The following PRKD2 variants were observed in gnomAD, a reference collection of about 807,000 sequenced individuals.
PRKD2 encodes the protein serine/threonine-protein kinase D2.
Under a neutral mutation model 86.0 loss-of-function variants are expected in PRKD2, and 22 were observed. The ratio of observed to expected loss-of-function variants is 0.26; its 90% CI spans 0.18 to 0.37. PRKD2 has a LOEUF of 0.37. Among genes scored for constraint, PRKD2 ranks in the 10% least tolerant of loss-of-function variants. The pLI, the probability that PRKD2 is intolerant of heterozygous loss-of-function variation, is 1.00. For synonymous variants in PRKD2, 509 were observed against 510.9 expected, an observed-to-expected ratio of 1.00 and a Z score of 0.05; for missense variants, 818 against 1,199.2, an observed-to-expected ratio of 0.68 and a Z score of 4.70.
intron 3 of PRKD2, among the ~76,000 whole-genome samples, chr19:46,706,323 G>T (rs1453810407): frequency 6.6e-6 from 1 of 152,102 alleles, no homozygotes; most frequent in East Asian, 1.9e-4. Context: ...CCAGCCTTTG[G>T]GAGCCCTTCT....
chr19:46,712,400 G>T (rs60363656), intron 2 of PRKD2, among the ~76,000 whole-genome samples: 5,558 of 151,674 alleles, frequency 0.037, 294 homozygotes, highest in African/African-American at 0.13. Context: ...AATTAGCCAC[G>T]TGTGGTAGCA....
intron 17 of PRKD2, 25 bp downstream of exon 17, chr19:46,675,008 G>T (rs1258773266): frequency 2.5e-6 from 4 of 1,580,146 alleles, no homozygotes; most frequent in Non-Finnish European, 3.5e-6. Flanking sequence ...TCCAGCCAAT[G>T]GGCCAGCCCT....
At chr19:46,680,851 G>A (rs1250024448) in intron 15 of PRKD2, among the ~76,000 whole-genome samples, 1 of 147,654 alleles carries the variant, frequency 6.8e-6, no homozygotes, top group Non-Finnish European at 1.5e-5. Flanking sequence ...TTATAGGCAT[G>A]AGCCACCTCC....
At chr19:46,710,652 T>A (rs2053791967) in intron 3 of PRKD2, 1 of 488,698 alleles carries the variant, frequency 2.0e-6, no homozygotes, top group East Asian at 3.1e-5. Flanking sequence ...GCTCTGTTCT[T>A]AAGCCCCTAC....
chr19:46,683,469 C>T (rs969842237), intron 14 of PRKD2, among the ~76,000 whole-genome samples: 1 of 152,138 alleles, frequency 6.6e-6, no homozygotes, highest in Non-Finnish European at 1.5e-5. Flanking sequence ...TGCCTGTAAT[C>T]TCAGCACTTT....
At chr19:46,713,831 G>C (rs1310180379) in intron 2 of PRKD2, 32 bp downstream of exon 2, 2 of 1,422,170 alleles carry the variant, frequency 1.4e-6, no homozygotes, top group South Asian at 1.3e-5. Context: ...CCCACCCGAG[G>C]CCCCGCCCCC....
At chr19:46,688,165 C>T (rs961575887) in intron 14 of PRKD2, among the ~76,000 whole-genome samples, 3 of 152,084 alleles carry the variant, frequency 2.0e-5, no homozygotes, top group South Asian at 2.1e-4. Context: ...GCTGGGATTA[C>T]GGGCATGAGC....
At position 46,674,400 on chromosome 19, in the gene PRKD2, C is replaced by G. The variant is rs1415740259; in HGVS notation, c.*123G>C. On this transcript the variant is annotated 3_prime_UTR_variant, in exon 18 of 18. Transcript: ENST00000291281. ...GAGGGGCCTTGGAAATAGCTCCCCCCACCCCACTCCCCACGTGTCCCATCC... is the reference window on the plus strand; with the variant it reads ...GAGGGGCCTTGGAAATAGCTCCCCCGACCCCACTCCCCACGTGTCCCATCC... 6 of 1,064,208 alleles carry G rather than the reference C, an allele frequency of 5.6e-6. No homozygotes were observed. The highest frequency in any genetic ancestry group is 6.6e-6 in the Non-Finnish European group (5 of 756,582). The allele number at this position is 1,064,208 out of a possible 1,614,324, so 65.9% of individuals were successfully genotyped here.
Position 46,690,719 on chromosome 19 carries a change from T to TAGA in PRKD2, c.1703-16_1703-14dup. ...TTCCGGTGTTTTCCTGCACAGGGAGTAGAAGAGATGGGGGATGAGAGAGCA... is the reference window on the plus strand; with the variant it reads ...TTCCGGTGTTTTCCTGCACAGGGAGTAGAAGAAGAGATGGGGGATGAGAGAGCA... On this transcript the variant is annotated splice_polypyrimidine_tract_variant and intron_variant, in intron 12 of 17. Coordinates refer to ENST00000291281, the MANE Select transcript of PRKD2 (RefSeq NM_016457.5). 6.2e-7 allele frequency: 1 copy of TAGA among 1,610,740 alleles called. No individual in the cohort carries two copies. The highest frequency in any genetic ancestry group is 8.5e-7 in the Non-Finnish European group (1 of 1,177,624).
At chr19:46,711,857 C>T (rs188139444) in intron 2 of PRKD2, among the ~76,000 whole-genome samples, 275 of 151,818 alleles carry the variant, frequency 1.8e-3, no homozygotes, top group Non-Finnish European at 3.4e-3. Flanking sequence ...CACTTGAGGT[C>T]AGAAGTTCGA....
chr19:46,707,538 C>CA (rs1334576384), intron 3 of PRKD2, among the ~76,000 whole-genome samples: 2 of 151,960 alleles, frequency 1.3e-5, no homozygotes, highest in African/African-American at 4.8e-5. Context: ...TGCAGTGAGC[C>CA]AAGACCACGC....
At chr19:46,694,201 A>T in intron 9 of PRKD2, 68 bp from the exon 10 acceptor site, 1 of 1,573,386 alleles carries the variant, frequency 6.4e-7, no homozygotes, top group Non-Finnish European at 8.7e-7. Flanking sequence ...GCTTACCCAG[A>T]AGGATACACG....
intron 3 of PRKD2, among the ~76,000 whole-genome samples, chr19:46,707,678 T>C (rs918929831): frequency 9.2e-5 from 14 of 152,186 alleles, no homozygotes; most frequent in African/African-American, 3.4e-4. Flanking sequence ...TGCAGGTACA[T>C]GGCCTTCATC....
At chr19:46,708,886 A>C (rs1193613508) in intron 3 of PRKD2, among the ~76,000 whole-genome samples, 1 of 151,848 alleles carries the variant, frequency 6.6e-6, no homozygotes, top group African/African-American at 2.4e-5. Context: ...CCTGATAGTC[A>C]TGTTAATGTG....
chr19:46,679,650 A>G (rs988459165), intron 15 of PRKD2, among the ~76,000 whole-genome samples: 1 of 151,888 alleles, frequency 6.6e-6, no homozygotes, highest in East Asian at 1.9e-4. Flanking sequence ...TTTGAGACGG[A>G]GTCTCGCTCT....
At position 46,678,810 on chromosome 19, in the gene PRKD2, T is replaced by C; in HGVS notation, c.2071-147A>G. On this transcript the variant is annotated intron_variant, in intron 15 of 17. Coordinates refer to ENST00000291281, the MANE Select transcript of PRKD2 (RefSeq NM_016457.5). This position sits in a 1 kb window ranked among gnomAD's most constrained non-coding sequence, Gnocchi z 5.7. Reference sequence around the variant, plus strand: ...CCTTGGCTCACTAGCTGAGCAACCCTGGGCAGGTGACTTCCCCCCTCTGTG... The same window carrying C: ...CCTTGGCTCACTAGCTGAGCAACCCCGGGCAGGTGACTTCCCCCCTCTGTG... 1.1e-6 allele frequency: 1 copy of C among 939,146 alleles called. No individual in the cohort carries two copies. The highest frequency in any genetic ancestry group is 2.8e-5 in the Admixed American group (1 of 35,838). The allele number at this position is 939,146 out of a possible 1,614,324, so 58.2% of individuals were successfully genotyped here.
chr19:46,714,240 G>C (rs970155605), intron 1 of PRKD2: 1 of 1,291,314 alleles, frequency 7.7e-7, no homozygotes, highest in African/African-American at 1.5e-5. Flanking sequence ...GGGGGAGCTG[G>C]GGTGGGAGGG....
intron 9 of PRKD2, among the ~76,000 whole-genome samples, chr19:46,696,917 G>A (rs1351830287): frequency 2.0e-5 from 3 of 152,140 alleles, no homozygotes; most frequent in African/African-American, 7.2e-5. Flanking sequence ...GCATTTTGCA[G>A]GTGAGAAGCG....
intron 3 of PRKD2, chr19:46,710,439 T>C: frequency 6.6e-6 from 1 of 152,590 alleles, no homozygotes; most frequent in Non-Finnish European, 1.4e-5. Flanking sequence ...CCACCTACCT[T>C]TGCCTCCCAA....
Sources: gnomAD v4.1 joint callset for allele counts (sites outside exome capture counted in the v4.1 genomes callset) on GRCh38, gnomAD v4.1.1 for gene constraint, Gnocchi (gnomAD v3.1) non-coding constraint, MANE v1.5 for transcripts, NCBI Gene and HGNC (gene_info 2026-07-23, HGNC 2026-07-21) for gene names.